RAPGEF6: variants seen among roughly 807,000 people sequenced by gnomAD.
RAPGEF6 encodes PDZ domain containing guanine nucleotide exchange factor (GEF) 2.
In RAPGEF6, 56 loss-of-function variants were observed where a neutral mutation model predicts 171.4. The ratio of observed to expected loss-of-function variants is 0.33; its 90% confidence interval spans 0.26 to 0.41. RAPGEF6 has a LOEUF of 0.41. Among genes scored for constraint, RAPGEF6 ranks in the 10% least tolerant of loss-of-function variants. The probability of loss-of-function intolerance (pLI) is 1.00; values close to 1 mark genes in which losing one functional copy is unlikely to be tolerated. For missense variants in RAPGEF6, 1,674 were observed against 1,921.4 expected (o/e 0.87, Z 2.41); for synonymous variants, 692 against 650.1 (o/e 1.06, Z -0.98).
intron 13 of RAPGEF6, among the ~76,000 whole-genome samples, chr5:131,493,644 G>A (rs1756442927): frequency 6.6e-6 from 1 of 151,384 alleles, no homozygotes; most frequent in African/African-American, 2.4e-5. Context: ...GTTAATATGT[G>A]CAAATCTCAT....
At chr5:131,513,902 C>A (rs929536020) in intron 7 of RAPGEF6, among the ~76,000 whole-genome samples, 1 of 152,036 alleles carries the variant, frequency 6.6e-6, no homozygotes, top group African/African-American at 2.4e-5. Context: ...GTGGCACATG[C>A]CTGCACTCCC....
intron 15 of RAPGEF6, among the ~76,000 whole-genome samples, chr5:131,483,978 C>T (rs547795004): frequency 2.0e-5 from 3 of 151,228 alleles, no homozygotes; most frequent in African/African-American, 7.3e-5. Context: ...CACCTGTAGT[C>T]CCAGCTACTC....
At chr5:131,489,479 C>T (rs950390076) in intron 15 of RAPGEF6, 67 bp downstream of exon 15, 5 of 871,884 alleles carry the variant, frequency 5.7e-6, no homozygotes, top group African/African-American at 5.3e-5. Flanking sequence ...TTTTCTTCCA[C>T]TGTAATGACT....
At chr5:131,594,585 A>C (rs551385020) in intron 3 of RAPGEF6, among the ~76,000 whole-genome samples, 310 of 152,308 alleles carry the variant, frequency 2.0e-3, no homozygotes, top group African/African-American at 6.9e-3. Context: ...CAGACCCCAG[A>C]ATGGTAGAAC....
intron 11 of RAPGEF6, among the ~76,000 whole-genome samples, chr5:131,500,370 G>T (rs544899620): frequency 3.3e-5 from 5 of 152,216 alleles, no homozygotes; most frequent in African/African-American, 1.2e-4. Context: ...CTGGTTTAGG[G>T]TCATTTAGGT....
At chr5:131,540,239 T>A (rs575474348) in intron 6 of RAPGEF6, among the ~76,000 whole-genome samples, 25 of 152,192 alleles carry the variant, frequency 1.6e-4, no homozygotes, top group Admixed American at 9.8e-4. Context: ...AACAAACATA[T>A]AACCAACACT....
rs376256664 is a variant in RAPGEF6 at position 131,429,026 on chromosome 5, A to C, written c.4656T>G (p.Ala1552=). Residue 1552 remains alanine, a synonymous_variant, in exon 27 of 28, where the codon GCT becomes GCG. Coordinates refer to ENST00000509018, the MANE Select transcript of RAPGEF6 (RefSeq NM_016340.6). ...AGGCCACGAGGTTGCTACTGAGAGAAGCTGGTGGCAGTCTAGAGAGGCTGT... is the reference window on the plus strand; with the variant it reads ...AGGCCACGAGGTTGCTACTGAGAGACGCTGGTGGCAGTCTAGAGAGGCTGT... ...MHNSLSRLPP[A]SLSSNLVACV... The C allele has an allele frequency of 6.8e-6, 11 of 1,614,054 alleles. No homozygotes were observed. In the African/African-American group the frequency reaches 1.5e-4, roughly 22 times the overall value.
intron 17 of RAPGEF6, among the ~76,000 whole-genome samples, chr5:131,465,506 T>G (rs1754273615): frequency 2.0e-5 from 3 of 152,122 alleles, no homozygotes; most frequent in Admixed American, 2.0e-4. Context: ...GAATACAGGC[T>G]GGGTATGACT....
At chr5:131,514,404 A>G (rs904351823) in intron 7 of RAPGEF6, among the ~76,000 whole-genome samples, 1 of 125,770 alleles carries the variant, frequency 8.0e-6, no homozygotes, top group African/African-American at 2.6e-5. Flanking sequence ...GTTTAATTCT[A>G]TAATAATTAG....
At chr5:131,462,159 T>C in intron 18 of RAPGEF6, 71 bp from the exon 19 acceptor site, 1 of 1,191,474 alleles carries the variant, frequency 8.4e-7, no homozygotes, top group African/African-American at 1.6e-5. Flanking sequence ...TTCCTTTTTG[T>C]CGTTGTAAAA....
At chr5:131,615,603 T>A (rs79724170) in intron 1 of RAPGEF6, among the ~76,000 whole-genome samples, 2,910 of 152,306 alleles carry the variant, frequency 0.019, 44 homozygotes, top group Middle Eastern at 0.078. Context: ...TCTATGTAGC[T>A]TTCAAGAGGG....
chr5:131,536,061 G>A (rs771125902), intron 6 of RAPGEF6, among the ~76,000 whole-genome samples: 2 of 152,024 alleles, frequency 1.3e-5, no homozygotes, highest in Non-Finnish European at 2.9e-5. Flanking sequence ...TCATAATTTA[G>A]AGAAGTCAAA....
intron 14 of RAPGEF6, among the ~76,000 whole-genome samples, chr5:131,492,285 C>T (rs1426492909): frequency 6.6e-6 from 1 of 152,098 alleles, no homozygotes; most frequent in Non-Finnish European, 1.5e-5. Flanking sequence ...CTCAAGTTGC[C>T]AGCTTATACA....
intron 17 of RAPGEF6, among the ~76,000 whole-genome samples, chr5:131,467,267 C>T (rs547202839): frequency 2.6e-5 from 4 of 152,296 alleles, no homozygotes; most frequent in Admixed American, 2.6e-4. Context: ...ATGTGAAGGA[C>T]AAATTGTTAT....
At chr5:131,588,437 A>C (rs1031024508) in intron 4 of RAPGEF6, among the ~76,000 whole-genome samples, 1 of 152,180 alleles carries the variant, frequency 6.6e-6, no homozygotes, top group Non-Finnish European at 1.5e-5. Flanking sequence ...ACTATTAAAG[A>C]TTAATGGGGC....
intron 1 of RAPGEF6, among the ~76,000 whole-genome samples, chr5:131,605,551 T>C (rs1580663788): frequency 6.6e-6 from 1 of 152,130 alleles, no homozygotes; most frequent in African/African-American, 2.4e-5. Flanking sequence ...ATAAAAAACA[T>C]ACTTCCTATT....
intron 7 of RAPGEF6, among the ~76,000 whole-genome samples, chr5:131,520,354 T>G (rs948614021): frequency 6.6e-6 from 1 of 152,212 alleles, no homozygotes; most frequent in Non-Finnish European, 1.5e-5. Context: ...TGACTTAATA[T>G]GCAAAAGTAA....
intron 1 of RAPGEF6, among the ~76,000 whole-genome samples, chr5:131,627,149 G>C (rs1274950100): frequency 6.6e-6 from 1 of 152,216 alleles, no homozygotes; most frequent in Non-Finnish European, 1.5e-5. Flanking sequence ...AATTCCTAGA[G>C]ACAGCAACTC....
intron 7 of RAPGEF6, among the ~76,000 whole-genome samples, chr5:131,518,957 C>A (rs1758286705): frequency 6.6e-6 from 1 of 151,882 alleles, no homozygotes; most frequent in Non-Finnish European, 1.5e-5. Context: ...ATTTATATGA[C>A]CTTCTGGAAA....
Sources: gnomAD v4.1 joint callset for allele counts (sites outside exome capture counted in the v4.1 genomes callset) on GRCh38, gnomAD v4.1.1 for gene constraint, MANE v1.5 for transcripts, NCBI Gene and HGNC (gene_info 2026-07-23, HGNC 2026-07-21) for gene names.